The following MTMR10 variants were observed in gnomAD, a reference collection of about 807,000 sequenced individuals.
MTMR10 encodes the protein myotubularin related protein 10, also known as myotubularin-related protein 10.
In MTMR10, 56 loss-of-function variants were observed where a neutral mutation model predicts 88.1. That is an observed-to-expected ratio of 0.64 (90% CI 0.51 to 0.79). The LOEUF (loss-of-function observed/expected upper bound fraction) is 0.79, where lower values mean the gene tolerates loss of function less well. MTMR10 is among the 30% of genes least tolerant of loss of function. The pLI is 0.00. For missense variants in MTMR10, 883 were observed against 924.7 expected, an observed-to-expected ratio of 0.95 and a Z score of 0.58; for synonymous variants, 380 against 340.9, an observed-to-expected ratio of 1.11 and a Z score of -1.26.
At chr15:30,984,278 C>T (rs1473757857) in intron 2 of MTMR10, among the ~76,000 whole-genome samples, 1 of 152,144 alleles carries the variant, frequency 6.6e-6, no homozygotes, top group Non-Finnish European at 1.5e-5. Flanking sequence ...GCCTAAGGTA[C>T]TGCAGCAAAA....
At chr15:30,946,577 TTCTC>T (rs2063174332) in intron 14 of MTMR10, 1 of 595,878 alleles carries the variant, frequency 1.7e-6, no homozygotes, top group Admixed American at 2.9e-5. Context: ...CCCTTTCTGT[TTCTC>T]TCAATGGTCT....
chr15:30,929,912 A>G, the MTMR10 span, among the ~76,000 whole-genome samples: 1 of 36,546 alleles, frequency 2.7e-5, no homozygotes, highest in Non-Finnish European at 5.3e-5. Context: ...TAAAATATAT[A>G]ATATATATCA....
chr15:30,977,553 T>C (rs2030245667), intron 2 of MTMR10, among the ~76,000 whole-genome samples: 1 of 152,228 alleles, frequency 6.6e-6, no homozygotes, highest in Non-Finnish European at 1.5e-5. Context: ...AAAGTTATAA[T>C]GTACTTTTGA....
chr15:30,981,810 C>A (rs2030594664), intron 2 of MTMR10, among the ~76,000 whole-genome samples: 1 of 152,060 alleles, frequency 6.6e-6, no homozygotes, highest in Admixed American at 6.6e-5. Context: ...ATTCTCATGC[C>A]TGTAATCTTA....
At chr15:30,988,978 A>C (rs111866335) in intron 2 of MTMR10, among the ~76,000 whole-genome samples, 302 of 133,662 alleles carry the variant, frequency 2.3e-3, no homozygotes, top group African/African-American at 9.0e-3. Context: ...TAAGAGTGAG[A>C]CTCTGTCTCA....
chr15:30,932,222 A>AC, the MTMR10 span, among the ~76,000 whole-genome samples: 1 of 99,004 alleles, frequency 1.0e-5, no homozygotes, highest in Non-Finnish European at 2.0e-5. Flanking sequence ...ACTCCATCTC[A>AC]AAAAAAAAAA....
At chr15:30,962,620 TC>T (rs1253473289) in intron 6 of MTMR10, among the ~76,000 whole-genome samples, 1 of 151,834 alleles carries the variant, frequency 6.6e-6, no homozygotes, top group Non-Finnish European at 1.5e-5. Context: ...CATGAACATG[TC>T]ATGCTCATTC....
chr15:30,962,681 C>T lies in MTMR10; in HGVS notation c.566-1608G>A, dbSNP rs374393439. 1.2e-4 allele frequency among the ~76,000 whole-genome samples: 18 copies of T among 152,288 alleles called. 1 individual carries two copies. Among genetic ancestry groups the T allele is most frequent in the African/African-American group, 4.3e-4 (18 of 41,548 alleles). On this transcript the variant is annotated intron_variant, in intron 6 of 15. Transcript: ENST00000435680. ...GTATAAGACAGGTATTTTCTGAGAACTCCCCATGTGCTAATGCCTGAGAGC... is the reference window on the plus strand; with the variant it reads ...GTATAAGACAGGTATTTTCTGAGAATTCCCCATGTGCTAATGCCTGAGAGC...
chr15:30,966,503 A>G (rs2063473661), intron 6 of MTMR10, among the ~76,000 whole-genome samples: 1 of 152,200 alleles, frequency 6.6e-6, no homozygotes, highest in African/African-American at 2.4e-5. Flanking sequence ...TCTGTATCAT[A>G]AACAGTTGAG....
intron 12 of MTMR10, among the ~76,000 whole-genome samples, chr15:30,951,338 TAGAC>T (rs1343460800): frequency 2.6e-5 from 4 of 152,270 alleles, no homozygotes; most frequent in South Asian, 2.1e-4. Flanking sequence ...TTGTACAAAT[TAGAC>T]AGCAAAATTA....
chr15:30,959,416 T>C (rs1293282363), intron 7 of MTMR10, among the ~76,000 whole-genome samples: 3 of 152,238 alleles, frequency 2.0e-5, no homozygotes, highest in Admixed American at 2.0e-4. Flanking sequence ...CTGAAAAATA[T>C]ATCCACCTTT....
At chr15:30,929,880 A>T in the MTMR10 span, among the ~76,000 whole-genome samples, 1 of 81,250 alleles carries the variant, frequency 1.2e-5, no homozygotes, top group Non-Finnish European at 1.9e-5. Flanking sequence ...TAAAATATAT[A>T]ATATATATCA....
At chr15:30,942,302 A>T (rs2063081429) in intron 15 of MTMR10, 2 of 592,384 alleles carry the variant, frequency 3.4e-6, no homozygotes, top group Admixed American at 6.3e-5. Flanking sequence ...TGGGGGCGGG[A>T]TGAGAGTACC....
intron 1 of MTMR10, 113 bp downstream of exon 1, chr15:30,991,334 T>C: frequency 3.7e-6 from 4 of 1,090,824 alleles, no homozygotes; most frequent in Non-Finnish European, 5.0e-6. Context: ...CGCGCTGCTG[T>C]GGGCAGGGAG....
the MTMR10 span, chr15:30,925,993 G>A: frequency 1.9e-6 from 3 of 1,579,004 alleles, no homozygotes; most frequent in Non-Finnish European, 2.6e-6. Context: ...ACGAGCAGCA[G>A]CACTGGATGG....
intron 5 of MTMR10, 127 bp downstream of exon 5, chr15:30,974,187 T>G: frequency 1.1e-6 from 1 of 917,490 alleles, no homozygotes; most frequent in South Asian, 4.9e-5. Context: ...TGACTTTACT[T>G]AAGAAGATGT....
chr15:30,950,670 CAAAA>C (rs35764283), intron 12 of MTMR10, among the ~76,000 whole-genome samples: 1 of 142,284 alleles, frequency 7.0e-6, no homozygotes, highest in South Asian at 2.2e-4. Flanking sequence ...AACTCCATCT[CAAAA>C]AAAAAAAAAG....
chr15:30,940,933 TCTAAGGTTCCAA>T lies in MTMR10; in HGVS notation c.*525_*536del, dbSNP rs2063024566. 4.6e-6 allele frequency: 5 copies of T among 1,084,542 alleles called. No individual in the cohort carries two copies. In the East Asian group the frequency reaches 4.1e-4, roughly 88 times the overall value. The allele number at this position is 1,084,542 out of a possible 1,614,324, so 67.2% of individuals were successfully genotyped here. On this transcript the variant is annotated 3_prime_UTR_variant, in exon 16 of 16. Transcript: ENST00000435680. ...AACTCATGATTTCAAAACACAGTGA[TCTAAGGTTCCAA>T]AGAAGGTGATCTAAAATCATAAATT...
the MTMR10 span, chr15:30,929,501 T>C: frequency 1.6e-5 from 11 of 684,672 alleles, no homozygotes; most frequent in Admixed American, 3.3e-5. Context: ...TATATGTAAA[T>C]ACATGTATGT....
Sources: gnomAD v4.1 joint callset for allele counts (sites outside exome capture counted in the v4.1 genomes callset) on GRCh38, gnomAD v4.1.1 for gene constraint, MANE v1.5 for transcripts, NCBI Gene and HGNC (gene_info 2026-07-23, HGNC 2026-07-21) for gene names.